ZNF182: variants seen among roughly 807,000 people sequenced by gnomAD.
ZNF182 encodes the protein zinc finger protein 182.
ZNF182 carries 10 observed loss-of-function variants against 28.1 expected under a neutral mutation model. The ratio of observed to expected loss-of-function variants is 0.36; its 90% CI spans 0.22 to 0.60. ZNF182 has a LOEUF of 0.60. ZNF182 is among the 20% of genes least tolerant of loss of function. The pLI, the probability that ZNF182 is intolerant of heterozygous loss-of-function variation, is 0.75. For synonymous variants in ZNF182, 156 were observed against 158.7 expected (o/e 0.98, Z 0.13); for missense variants, 352 against 453.2 (o/e 0.78, Z 2.03).
At chrX:48,002,091 G>T (rs1209318422) in intron 3 of ZNF182, among the ~76,000 whole-genome samples, 2 of 112,121 alleles carry the variant, frequency 1.8e-5, no homozygotes, top group African/African-American at 6.5e-5. Flanking sequence ...AATTGCTTCA[G>T]GAAAATCATT....
chrX:47,998,083 C>CTT (rs781980046), intron 3 of ZNF182, among the ~76,000 whole-genome samples: 7 of 99,564 alleles, frequency 7.0e-5, no homozygotes, highest in Admixed American at 1.1e-4. Context: ...TTTCTTTTCT[C>CTT]TTTTTTTTTT....
In ZNF182 at chrX:47,977,384, C is replaced by T; in HGVS notation, c.646G>A (p.Glu216Lys). 1 of 1,206,990 alleles carries T rather than the reference C, an allele frequency of 8.3e-7. No individual in the cohort carries two copies. The highest frequency in any genetic ancestry group is 1.8e-5 in the South Asian group (1 of 55,696). Residue 216 changes from glutamate (E) to lysine (K), a missense_variant, in exon 6 of 6, where the codon GAA (glutamate) becomes AAA (lysine). Glu to Lys is a moderately conservative substitution (Grantham distance 56). Transcript: ENST00000376943. The stretch of plus-strand genomic sequence containing the variant: ...AAGGTTTTCCTACATGCAGTACATT[C>T]AAAGGGTTTCTCTCCATTTTTAATT... ...QRIKNGEKPF[E>K]CTACRKTFSK...
In ZNF182 at chrX:47,976,996, T is replaced by C. The variant is rs1463552683; in HGVS notation, c.1034A>G (p.His345Arg). The change falls in exon 6 of 6, where the codon CAT becomes CGT. Residue 345 changes from histidine to arginine, a missense_variant. Transcript: ENST00000376943. ...SFIQKLDLII[H>R]HSTHTGKKPH... ...TTTCTTTCCTGTATGGGTACTATGA[T>C]GTATAATTAGATCAAGCTTCTGTAT... The C allele has an allele frequency of 8.3e-7, 1 of 1,202,189 alleles. No homozygotes were observed. Among genetic ancestry groups the C allele is most frequent in the East Asian group, 3.0e-5 (1 of 33,736 alleles).
chrX:48,000,327 C>A (rs781843268), intron 3 of ZNF182, among the ~76,000 whole-genome samples: 5 of 109,708 alleles, frequency 4.6e-5, no homozygotes, highest in South Asian at 3.9e-4. Flanking sequence ...TTTGGGAGGC[C>A]GAGGTGGGCG....
chrX:47,983,047 G>C lies in ZNF182; in HGVS notation c.143-9C>G. The C allele has an allele frequency of 8.3e-7, 1 of 1,208,642 alleles. No homozygotes were observed. Among genetic ancestry groups the C allele is most frequent in the Non-Finnish European group, 1.1e-6 (1 of 892,985 alleles). On this transcript the variant is annotated splice_polypyrimidine_tract_variant and intron_variant, in intron 4 of 5. Transcript: ENST00000376943. ...TTTGGTAACCTGCTGCCCTGTTGAT[G>C]AGAAATGACAGTGATACCTCCTTGG...
At chrX:47,979,889 G>A (rs1556898867) in intron 5 of ZNF182, among the ~76,000 whole-genome samples, 1 of 107,739 alleles carries the variant, frequency 9.3e-6, no homozygotes, top group Non-Finnish European at 1.9e-5. Context: ...GTGTGTGTGT[G>A]TGTGTGTGTG....
At chrX:48,002,454 T>G (rs1172539013) in intron 3 of ZNF182, 141 bp downstream of exon 3, 1 of 838,427 alleles carries the variant, frequency 1.2e-6, no homozygotes, top group African/African-American at 2.0e-5. Flanking sequence ...ACATTCTAAT[T>G]TGGCCTTGAT....
rs1198584713 is a variant in ZNF182, at chrX:47,977,078, G to T, written c.952C>A (p.Gln318Lys). The T allele has an allele frequency of 1.7e-6, 2 of 1,209,120 alleles. No individual in the cohort carries two copies. The highest frequency in any genetic ancestry group is 2.2e-6 in the Non-Finnish European group (2 of 895,043). ...FTQKSNLIVH[Q>K]KTHTGEKTYE... The stretch of plus-strand genomic sequence containing the variant: ...GTTTTCTCTCCAGTGTGGGTTTTCT[G>T]ATGGACAATGAGGTTGGACTTCTGA... Residue 318 changes from glutamine to lysine, a missense_variant, in exon 6 of 6, where the codon CAG (glutamine) becomes AAG (lysine). Transcript: ENST00000376943.
Position 48,003,951 on chromosome X carries a change from G to C in ZNF182, c.-282C>G, listed in dbSNP as rs782374035. 1.8e-5 allele frequency: 2 copies of C among 111,834 alleles called. No individual in the cohort carries two copies. Among genetic ancestry groups the C allele is most frequent in the African/African-American group, 6.5e-5 (2 of 30,714 alleles). 9.2% of individuals were successfully genotyped at this position (111,834 alleles called of 1,213,427 possible). A position where few individuals can be genotyped will look rare whatever the true frequency, so the allele number is the denominator to read the frequency against. ...TTTTCTGCTCGCTGCTCAGGAGACCGTTACAAAGCCTGGCCCCAACAAGCA... is the reference window on the plus strand; with the variant it reads ...TTTTCTGCTCGCTGCTCAGGAGACCCTTACAAAGCCTGGCCCCAACAAGCA... On this transcript the variant is annotated 5_prime_UTR_variant, in exon 1 of 6. Transcript: ENST00000376943.
chrX:47,975,956 T>G lies in ZNF182; in HGVS notation c.*211A>C, dbSNP rs2058881751. ...CCTCTGCCTGTGGCAGCCCTCTCAT[T>G]AGGGTTGCAGCTGTCTCCTAATTTT... On this transcript the variant is annotated 3_prime_UTR_variant, in exon 6 of 6. Transcript: ENST00000376943. 3 of 336,620 alleles carry G rather than the reference T, an allele frequency of 8.9e-6. No individual in the cohort carries two copies. Among genetic ancestry groups the G allele is most frequent in the Non-Finnish European group, 1.5e-5 (3 of 198,228 alleles). The allele number at this position is 336,620 out of a possible 1,213,427, so 27.7% of individuals were successfully genotyped here.
At chrX:47,996,399 CAAAT>C (rs1322920263) in intron 3 of ZNF182, among the ~76,000 whole-genome samples, 1 of 107,030 alleles carries the variant, frequency 9.3e-6, no homozygotes, top group East Asian at 2.9e-4. Context: ...ACACAATAGA[CAAAT>C]AAAAATGTAA....
At position 48,003,284 on chromosome X, in the gene ZNF182, T is replaced by G. The variant is rs552645776; in HGVS notation, c.-45+224A>C. Among the ~76,000 whole-genome samples, 22 of 112,785 alleles carry G rather than the reference T, an allele frequency of 2.0e-4. 1 individual carries two copies. In the South Asian group the frequency reaches 8.0e-3, roughly 41 times the overall value. ...ACATTTAAATGTGTGGGGGAAGAAT[T>G]AGTTCCTGTTGATTTTCTTTTTCTC... is the stretch of plus-strand genomic sequence containing the variant. On this transcript the variant is annotated intron_variant, in intron 2 of 5. Coordinates refer to ENST00000376943, the MANE Select transcript of ZNF182 (RefSeq NM_001007088.2).
Position 47,977,606 on chromosome X carries a change from C to T in ZNF182, c.424G>A (p.Glu142Lys), listed in dbSNP as rs782543305. 10 of 1,207,641 alleles carry T rather than the reference C, an allele frequency of 8.3e-6. No homozygotes were observed. The South Asian group carries it at 1.1e-4, about 13-fold the overall frequency. ...TCTACCATATTATTTCCAAATGATT[C>T]GTGTTTATCGGGTCTTTGTATTGAA... is the stretch of plus-strand genomic sequence containing the variant. ...VASIQRPDKH[E>K]SFGNNMVDNL... Residue 142 changes from glutamate (E) to lysine (K), a missense_variant, in exon 6 of 6, where the codon GAA becomes AAA. Glu to Lys is a moderately conservative substitution (Grantham distance 56, BLOSUM62 1). Transcript: ENST00000376943.
chrX:47,992,044 T>C (rs1234012342), intron 3 of ZNF182, among the ~76,000 whole-genome samples: 3 of 111,451 alleles, frequency 2.7e-5, no homozygotes, highest in African/African-American at 9.8e-5. Context: ...CACCTGGCAG[T>C]CAGGTAGGAC....
At chrX:47,983,860 A>G (rs2058915201) in intron 3 of ZNF182, among the ~76,000 whole-genome samples, 1 of 112,094 alleles carries the variant, frequency 8.9e-6, no homozygotes, top group African/African-American at 3.2e-5. Context: ...TAACCAATTA[A>G]GTGTCTATAA....
At chrX:47,981,091 A>G (rs2058904012) in intron 5 of ZNF182, among the ~76,000 whole-genome samples, 1 of 112,362 alleles carries the variant, frequency 8.9e-6, no homozygotes, top group African/African-American at 3.2e-5. Flanking sequence ...TGAACATGAG[A>G]TATTTTTTCT....
chrX:47,977,427 G>A lies in ZNF182; in HGVS notation c.603C>T (p.Gly201=). The stretch of plus-strand genomic sequence containing the variant: ...TTTTAATTCTCTGATGTAGACTAAG[G>A]CCTTTCTTTCGCCTAAGACCTTTCC... ...ECGKGLRRKK[G]LSLHQRIKNG... Residue 201 remains glycine (G), a synonymous_variant, in exon 6 of 6, where the codon GGC becomes GGT. Transcript: ENST00000376943. 8.3e-7 allele frequency: 1 copy of A among 1,210,006 alleles called. No individual in the cohort carries two copies. The highest frequency in any genetic ancestry group is 2.2e-5 in the Admixed American group (1 of 45,612).
chrX:47,997,280 C>A (rs1205694169), intron 3 of ZNF182, among the ~76,000 whole-genome samples: 4 of 103,950 alleles, frequency 3.8e-5, no homozygotes, highest in African/African-American at 1.4e-4. Context: ...GATCATGCCA[C>A]TGCACTCCAG....
Position 47,977,811 on chromosome X carries a change from C to T in ZNF182, c.233-14G>A. On this transcript the variant is annotated splice_polypyrimidine_tract_variant and intron_variant, in intron 5 of 5. Transcript: ENST00000376943. ...CTTGACAGACTTCTAGAAAGAAGTA[C>T]AATAAACCACCTTTATGCTTTGACA... 8.8e-7 allele frequency: 1 copy of T among 1,141,965 alleles called. No individual in the cohort carries two copies. The highest frequency in any genetic ancestry group is 1.2e-6 in the Non-Finnish European group (1 of 857,866). The allele number at this position is 1,141,965 out of a possible 1,213,427, so 94.1% of individuals were successfully genotyped here. A position where few individuals can be genotyped will look rare whatever the true frequency, so the allele number is the denominator to read the frequency against.
Sources: allele counts gnomAD v4.1 joint callset (sites outside exome capture counted in the v4.1 genomes callset), GRCh38; gene constraint gnomAD v4.1.1; transcripts MANE v1.5; gene names NCBI Gene and HGNC (gene_info 2026-07-23, HGNC 2026-07-21).